The following XYLB variants were observed in gnomAD, a reference collection of about 807,000 sequenced individuals.
XYLB encodes xylulose kinase.
Under a neutral mutation model 78.7 loss-of-function variants are expected in XYLB, and 62 were observed. That is an observed-to-expected ratio of 0.79 (90% CI 0.64 to 0.97). The LOEUF is 0.97. Among genes scored for constraint, XYLB ranks in the 50% least tolerant of loss-of-function variants. The probability of loss-of-function intolerance (pLI) is 0.00; values close to 1 mark genes in which losing one functional copy is unlikely to be tolerated. For missense variants in XYLB, 687 were observed against 676.8 expected (o/e 1.02, Z -0.17); for synonymous variants, 245 against 247.4 (o/e 0.99, Z 0.09).
At chr3:38,396,526 C>G (rs1041867349) in intron 16 of XYLB, among the ~76,000 whole-genome samples, 2 of 152,106 alleles carry the variant, frequency 1.3e-5, no homozygotes, top group African/African-American at 4.8e-5. Context: ...GCACAATGGT[C>G]CAGTGAGGGG....
chr3:38,381,031 GAGGCCGAGGC>G (rs1161085259), intron 15 of XYLB, among the ~76,000 whole-genome samples: 1 of 152,184 alleles, frequency 6.6e-6, no homozygotes, highest in Non-Finnish European at 1.5e-5. Flanking sequence ...CACATTTTGG[GAGGCCGAGGC>G]AGGTGGATTG....
At chr3:38,355,295 A>T (rs1459812835) in intron 2 of XYLB, among the ~76,000 whole-genome samples, 1 of 152,214 alleles carries the variant, frequency 6.6e-6, no homozygotes, top group Non-Finnish European at 1.5e-5. Context: ...GCCCCTAGCT[A>T]CTGTTAGCTA....
At chr3:38,352,381 T>G (rs1705414038) in intron 2 of XYLB, among the ~76,000 whole-genome samples, 1 of 152,184 alleles carries the variant, frequency 6.6e-6, no homozygotes, top group South Asian at 2.1e-4. Context: ...TTTTTATGTA[T>G]TGACATGTAA....
At chr3:38,436,369 C>A in the XYLB span, among the ~76,000 whole-genome samples, 1 of 151,908 alleles carries the variant, frequency 6.6e-6, no homozygotes, top group African/African-American at 2.4e-5. Context: ...AAGTTTGAAC[C>A]AAGAAGAAAT....
chr3:38,348,588 C>T lies in XYLB; in HGVS notation c.96C>T (p.Phe32=). The part of the protein sequence containing the change: ...VVAVDAELNV[F]YEESVHFDRD... The stretch of plus-strand genomic sequence containing the variant: ...CTGTTGATGCAGAGTTGAATGTCTT[C>T]TATGAGGAAAGTGTGCATTTTGACA... Residue 32 remains phenylalanine (F), a synonymous_variant, in exon 2 of 19, where the codon TTC becomes TTT. Transcript: ENST00000207870. The T allele has an allele frequency of 6.2e-7, 1 of 1,614,170 alleles. No individual in the cohort carries two copies. The highest frequency in any genetic ancestry group is 1.1e-5 in the South Asian group (1 of 91,080).
intron 4 of XYLB, 58 bp from the exon 5 acceptor site, chr3:38,365,141 C>T (rs1384587540): frequency 1.1e-5 from 17 of 1,539,348 alleles, no homozygotes; most frequent in African/African-American, 2.7e-5. Context: ...TCTGTGTCTT[C>T]AGGAGGCTGT....
At position 38,375,248 on chromosome 3, in the gene XYLB, G is replaced by A; in HGVS notation, c.993G>A (p.Met331Ile). The A allele has an allele frequency of 1.2e-6, 2 of 1,614,140 alleles. No individual in the cohort carries two copies. Among genetic ancestry groups the A allele is most frequent in the South Asian group, 2.2e-5 (2 of 91,076 alleles). ...FCNPVDSQHY[M>I]ALLCFKNGSL... ...ACCCGGTTGACTCCCAGCACTACATGGCACTCCTGTGGTGAGCTTGGGTGT... is the reference window on the plus strand; with the variant it reads ...ACCCGGTTGACTCCCAGCACTACATAGCACTCCTGTGGTGAGCTTGGGTGT... The change falls in exon 12 of 19, where the codon ATG (methionine) becomes ATA (isoleucine). Residue 331 changes from methionine (M) to isoleucine (I), a missense_variant. Met to Ile is a conservative substitution (Grantham distance 10). Transcript: ENST00000207870.
the XYLB span, among the ~76,000 whole-genome samples, chr3:38,434,065 A>C: frequency 6.6e-6 from 1 of 152,226 alleles, no homozygotes; most frequent in Non-Finnish European, 1.5e-5. Flanking sequence ...CTGAGCACTG[A>C]GTGAAGGTGG....
chr3:38,373,197 G>A (rs891416522), intron 10 of XYLB, among the ~76,000 whole-genome samples: 17 of 152,002 alleles, frequency 1.1e-4, no homozygotes, highest in African/African-American at 1.7e-4. Context: ...TCCTTCCCTA[G>A]CCTCTTCTCT....
intron 18 of XYLB, among the ~76,000 whole-genome samples, chr3:38,409,333 A>G (rs1165712787): frequency 3.9e-5 from 6 of 152,252 alleles, no homozygotes; most frequent in Non-Finnish European, 5.9e-5. Context: ...ACAAAATTCA[A>G]CAATGCTTCA....
chr3:38,361,548 C>T (rs1213015903), intron 3 of XYLB, among the ~76,000 whole-genome samples: 1 of 152,102 alleles, frequency 6.6e-6, no homozygotes, highest in Admixed American at 6.5e-5. Flanking sequence ...TGAGCCAGAC[C>T]AAGGGGCAGA....
intron 18 of XYLB, among the ~76,000 whole-genome samples, chr3:38,408,290 T>C (rs1708418763): frequency 6.6e-6 from 1 of 151,884 alleles, no homozygotes; most frequent in Admixed American, 6.6e-5. Flanking sequence ...GACTACTGGG[T>C]ACATAACGAA....
chr3:38,421,847 C>T (rs191772814), downstream of XYLB, among the ~76,000 whole-genome samples: 679 of 152,228 alleles, frequency 4.5e-3, 5 homozygotes, highest in Non-Finnish European at 5.9e-3. Context: ...CCTGACCCTC[C>T]GAATCTTTCT....
At chr3:38,388,169 G>GTTTTTTTTTTTTTTTTTTTTTTTCTTT (rs71085320) in intron 15 of XYLB, among the ~76,000 whole-genome samples, 1 of 109,346 alleles carries the variant, frequency 9.1e-6, no homozygotes, top group African/African-American at 3.2e-5. Context: ...GTTTTTTTTT[G>GTTTTTTTTTTTTTTTTTTTTTTTCTTT]TTTTTTTTTT....
At chr3:38,404,949 T>C (rs138133183) in intron 18 of XYLB, among the ~76,000 whole-genome samples, 32 of 152,340 alleles carry the variant, frequency 2.1e-4, no homozygotes, top group African/African-American at 7.2e-4. Context: ...GTCCTTGGTC[T>C]TGTTGTTTGT....
At chr3:38,423,475 G>A (rs950946825), downstream of XYLB, among the ~76,000 whole-genome samples, 19 of 152,202 alleles carry the variant, frequency 1.2e-4, no homozygotes, top group African/African-American at 4.1e-4. Context: ...AGCCTGGACT[G>A]CCTTCTGCTG....
At position 38,377,008 on chromosome 3, in the gene XYLB, T is replaced by A. The variant is rs1401753232; in HGVS notation, c.1194+17T>A. On this transcript the variant is annotated intron_variant, in intron 14 of 18. Transcript: ENST00000207870. ...AACCACAAGGTACATGTGCTGTTGG[T>A]GTTGGAGTTACATTGGCTCCATTTG... 6.2e-7 allele frequency: 1 copy of A among 1,609,192 alleles called. No homozygotes were observed. Among genetic ancestry groups the A allele is most frequent in the Non-Finnish European group, 8.5e-7 (1 of 1,176,530 alleles).
intron 7 of XYLB, among the ~76,000 whole-genome samples, chr3:38,367,200 A>G (rs370322988): frequency 6.6e-6 from 1 of 152,112 alleles, no homozygotes; most frequent in Non-Finnish European, 1.5e-5. Flanking sequence ...TCACTTTCCT[A>G]TGTGGTTAAC....
At chr3:38,423,861 C>T (rs1265050095), downstream of XYLB, among the ~76,000 whole-genome samples, 1 of 152,222 alleles carries the variant, frequency 6.6e-6, no homozygotes, top group African/African-American at 2.4e-5. Flanking sequence ...ATTCAGACTA[C>T]TACTCCTTAC....
Sources: allele counts gnomAD v4.1 joint callset (sites outside exome capture counted in the v4.1 genomes callset), GRCh38; gene constraint gnomAD v4.1.1; transcripts MANE v1.5; gene names NCBI Gene and HGNC (gene_info 2026-07-23, HGNC 2026-07-21).